RPTOR: variants seen among roughly 807,000 people sequenced by gnomAD.
RPTOR encodes regulatory-associated protein of mTOR.
In RPTOR, 21 loss-of-function variants were observed where a neutral mutation model predicts 169.9. The ratio of observed to expected loss-of-function variants is 0.12; its 90% CI spans 0.09 to 0.18. The LOEUF (loss-of-function observed/expected upper bound fraction) is 0.18, where lower values mean the gene tolerates loss of function less well. RPTOR is among the 10% of genes least tolerant of loss of function. The probability of loss-of-function intolerance (pLI) is 1.00; values close to 1 mark genes in which losing one functional copy is unlikely to be tolerated. For synonymous variants in RPTOR, 732 were observed against 753.2 expected (o/e 0.97, Z 0.46); for missense variants, 1,133 against 1,855.9 (o/e 0.61, Z 7.16).
intron 5 of RPTOR, among the ~76,000 whole-genome samples, chr17:80,732,770 T>C (rs1215841445): frequency 6.6e-6 from 1 of 152,238 alleles, no homozygotes; most frequent in Non-Finnish European, 1.5e-5. Context: ...AGCTTAATGT[T>C]CATTTTAGTA....
At chr17:80,751,086 T>G (rs950152426) in intron 5 of RPTOR, among the ~76,000 whole-genome samples, 1 of 152,136 alleles carries the variant, frequency 6.6e-6, no homozygotes, top group Non-Finnish European at 1.5e-5. Context: ...GCTGAGAAAT[T>G]TGAGATGTTA....
At chr17:80,548,421 G>A (rs2084305695) in intron 1 of RPTOR, among the ~76,000 whole-genome samples, 2 of 87,076 alleles carry the variant, frequency 2.3e-5, no homozygotes, top group Non-Finnish European at 4.2e-5. Context: ...CATTCTTGTT[G>A]CCCAGGCTGG....
At chr17:80,949,797 A>G (rs1379976373) in intron 28 of RPTOR, among the ~76,000 whole-genome samples, 1 of 152,152 alleles carries the variant, frequency 6.6e-6, no homozygotes. Flanking sequence ...CCTGTCCCCA[A>G]CCTTCATCCT....
chr17:80,636,203 C>T (rs868549668), intron 2 of RPTOR, among the ~76,000 whole-genome samples: 32 of 152,060 alleles, frequency 2.1e-4, no homozygotes, highest in Middle Eastern at 3.4e-3. Flanking sequence ...TAACTGGGAG[C>T]AGAGACCTGG....
chr17:80,698,087 G>C (rs1229679508), intron 3 of RPTOR, among the ~76,000 whole-genome samples: 1 of 93,348 alleles, frequency 1.1e-5, no homozygotes, highest in Non-Finnish European at 2.2e-5. Flanking sequence ...GCGGGGCAAG[G>C]TGGGGAATTT....
intron 3 of RPTOR, among the ~76,000 whole-genome samples, chr17:80,680,844 C>T (rs796690408): frequency 1.4e-4 from 21 of 152,260 alleles, no homozygotes; most frequent in African/African-American, 4.8e-4. Flanking sequence ...AATCCCACGT[C>T]GCACGTATGT....
intron 3 of RPTOR, among the ~76,000 whole-genome samples, chr17:80,691,145 A>T (rs745608648): frequency 6.6e-6 from 1 of 152,138 alleles, no homozygotes; most frequent in African/African-American, 2.4e-5. Flanking sequence ...CCTCTCATCA[A>T]TTATTTGGAT....
At chr17:80,749,753 C>A (rs537149136) in intron 5 of RPTOR, among the ~76,000 whole-genome samples, 3 of 152,256 alleles carry the variant, frequency 2.0e-5, no homozygotes, top group Admixed American at 2.0e-4. Context: ...TGCTCTGTCA[C>A]CCAGGCTGGA....
At chr17:80,939,987 C>G (rs34597387) in intron 24 of RPTOR, among the ~76,000 whole-genome samples, 5 of 152,100 alleles carry the variant, frequency 3.3e-5, no homozygotes, top group African/African-American at 1.2e-4. Flanking sequence ...CCTCTCCCAG[C>G]TCCGGGGAGG....
intron 7 of RPTOR, among the ~76,000 whole-genome samples, chr17:80,813,542 C>T (rs2067293957): frequency 6.6e-6 from 1 of 152,214 alleles, no homozygotes; most frequent in Non-Finnish European, 1.5e-5. Flanking sequence ...TCCTGTTACT[C>T]CAGCCCCCAC....
At position 80,707,909 on chromosome 17, in the gene RPTOR, C is replaced by G. The variant is rs1402965452; in HGVS notation, c.417C>G (p.Arg139=). Residue 139 remains arginine (R), a synonymous_variant, in exon 4 of 34, where the codon CGC becomes CGG. Transcript: ENST00000306801. This position sits in a 1 kb window ranked among gnomAD's most constrained non-coding sequence, Gnocchi z 5.0. Reference sequence around the variant, plus strand: ...AGAAGCTCTGCACGTCCTTACGTCGCAACGCCAAGGAGGAGCGAGTCCTCT... The same window carrying G: ...AGAAGCTCTGCACGTCCTTACGTCGGAACGCCAAGGAGGAGCGAGTCCTCT... The part of the protein sequence containing the change: ...EVKKLCTSLR[R]NAKEERVLFH... The G allele has an allele frequency of 6.2e-7, 1 of 1,613,954 alleles. No individual in the cohort carries two copies. The highest frequency in any genetic ancestry group is 1.3e-5 in the African/African-American group (1 of 74,906).
chr17:80,805,364 A>T (rs2067208315), intron 7 of RPTOR: 1 of 152,262 alleles, frequency 6.6e-6, no homozygotes, highest in East Asian at 1.9e-4. Flanking sequence ...TGGCGTCTGG[A>T]GACAGCCTGG....
Position 80,726,473 on chromosome 17 carries a change from A to AC in RPTOR, c.508-4087_508-4086insC, listed in dbSNP as rs11371967. 0.54 allele frequency among the ~76,000 whole-genome samples: 82,531 copies of AC among 152,052 alleles called. 22,614 individuals are homozygous for AC. Among genetic ancestry groups the AC allele is most frequent in the African/African-American group, 0.57 (23,770 of 41,464 alleles). Reference sequence around the variant, plus strand: ...CATCTTCCTGAACTTTGCATCTCAGAATTTAAAATGGAGATTTTGATTTTG... The same window carrying AC: ...CATCTTCCTGAACTTTGCATCTCAGACATTTAAAATGGAGATTTTGATTTTG... On this transcript the variant is annotated intron_variant, in intron 4 of 33. Coordinates refer to ENST00000306801, the MANE Select transcript of RPTOR (RefSeq NM_020761.3). This position sits in a 1 kb window ranked among gnomAD's most constrained non-coding sequence, Gnocchi z 4.5.
chr17:80,884,555 G>A lies in RPTOR; in HGVS notation c.1843-453G>A, dbSNP rs369994216. ...AGGCAAGGGCTAAGCCAGGGTCCCC[G>A]GACCCCAGGGCCAGCACAGTGTCGC... On this transcript the variant is annotated intron_variant, in intron 16 of 33. Coordinates refer to ENST00000306801, the MANE Select transcript of RPTOR (RefSeq NM_020761.3). Among the ~76,000 whole-genome samples the A allele has an allele frequency of 1.9e-4, 29 of 152,306 alleles. 1 individual carries two copies. The highest frequency in any genetic ancestry group is 6.3e-4 in the African/African-American group (26 of 41,576).
At chr17:80,855,575 G>A (rs12943041) in intron 12 of RPTOR, 28 bp downstream of exon 12, 305,516 of 1,522,312 alleles carry the variant, frequency 0.2, 32,530 homozygotes, top group Non-Finnish European at 0.22. Flanking sequence ...TAACCTGGGG[G>A]CTGAGGGAGG....
chr17:80,849,123 C>T (rs907534075), intron 11 of RPTOR, among the ~76,000 whole-genome samples: 2 of 152,236 alleles, frequency 1.3e-5, no homozygotes, highest in Non-Finnish European at 1.5e-5. Flanking sequence ...GCTTCTTTCT[C>T]GTTAACTCGG....
chr17:80,674,525 G>A lies in RPTOR; in HGVS notation c.348+30715G>A, dbSNP rs537862474. ...AAAACGAACAGCCTCTGGCATAGGCGCCATCCTGGCTGATGCTGAGTTTCT... is the reference window on the plus strand; with the variant it reads ...AAAACGAACAGCCTCTGGCATAGGCACCATCCTGGCTGATGCTGAGTTTCT... On this transcript the variant is annotated intron_variant, in intron 3 of 33. Coordinates refer to ENST00000306801, the MANE Select transcript of RPTOR (RefSeq NM_020761.3). 3.1e-4 allele frequency among the ~76,000 whole-genome samples: 47 copies of A among 152,260 alleles called. No homozygotes were observed. The South Asian group carries it at 7.3e-3, about 24-fold the overall frequency.
chr17:80,786,426 C>T (rs2066991841), intron 6 of RPTOR, among the ~76,000 whole-genome samples: 2 of 151,964 alleles, frequency 1.3e-5, no homozygotes, highest in Admixed American at 6.6e-5. Flanking sequence ...ACAAGGTTAC[C>T]GAGCTGAACA....
intron 9 of RPTOR, among the ~76,000 whole-genome samples, chr17:80,826,472 G>A (rs559045098): frequency 4.6e-5 from 7 of 152,348 alleles, no homozygotes; most frequent in South Asian, 2.1e-4. Flanking sequence ...AGCGGCACCC[G>A]GCCACTGTAG....
Sources: gnomAD v4.1 joint callset for allele counts (sites outside exome capture counted in the v4.1 genomes callset) on GRCh38, gnomAD v4.1.1 for gene constraint, Gnocchi (gnomAD v3.1) non-coding constraint, MANE v1.5 for transcripts, NCBI Gene and HGNC (gene_info 2026-07-23, HGNC 2026-07-21) for gene names.